CDH6: variants seen among roughly 807,000 people sequenced by gnomAD.
The protein encoded by CDH6 is cadherin 6.
Under a neutral mutation model 78.0 loss-of-function variants are expected in CDH6, and 31 were observed. The observed-to-expected ratio is 0.40, with a 90% CI of 0.30 to 0.54. The LOEUF (loss-of-function observed/expected upper bound fraction) is 0.54, where lower values mean the gene tolerates loss of function less well. Among genes scored for constraint, CDH6 ranks in the 20% least tolerant of loss-of-function variants. The pLI, the probability that CDH6 is intolerant of heterozygous loss-of-function variation, is 0.56. For synonymous variants in CDH6, 376 were observed against 368.8 expected, an observed-to-expected ratio of 1.02 and a Z score of -0.23; for missense variants, 724 against 975.9, an observed-to-expected ratio of 0.74 and a Z score of 3.44.
chr5:31,305,557 A>G, intron 7 of CDH6, 130 bp downstream of exon 7: 1 of 905,346 alleles, frequency 1.1e-6, no homozygotes, highest in Non-Finnish European at 1.7e-6. Flanking sequence ...TGAAAAAACT[A>G]TTCTAAACAG....
chr5:31,263,914 C>T (rs551733127), intron 1 of CDH6, among the ~76,000 whole-genome samples: 13 of 152,308 alleles, frequency 8.5e-5, no homozygotes, highest in Admixed American at 7.8e-4. Context: ...TTCTGATTTT[C>T]TTTCACCTGA....
chr5:31,263,015 T>A (rs538241021), intron 1 of CDH6, among the ~76,000 whole-genome samples: 31 of 152,334 alleles, frequency 2.0e-4, no homozygotes, highest in Admixed American at 2.0e-3. Flanking sequence ...CCATTTACGG[T>A]TTTTCAGGTT....
chr5:31,233,812 A>T (rs1419260812), intron 1 of CDH6, among the ~76,000 whole-genome samples: 1 of 152,172 alleles, frequency 6.6e-6, no homozygotes. Flanking sequence ...ACTACTCAGC[A>T]TCCCTTTACC....
At position 31,290,273 on chromosome 5, in the gene CDH6, A is replaced by G. The variant is rs1252063353; in HGVS notation, c.229-3689A>G. The stretch of plus-strand genomic sequence containing the variant: ...AGACTCCATCTCTTAATAAGTAAAC[A>G]CATTTTAAAAATCAACAGAGGAAAC... On this transcript the variant is annotated intron_variant, in intron 2 of 11. Coordinates refer to ENST00000265071, the MANE Select transcript of CDH6 (RefSeq NM_004932.4). Among the ~76,000 whole-genome samples the G allele has an allele frequency of 2.0e-5, 3 of 152,108 alleles. No homozygotes were observed. The East Asian group carries it at 5.8e-4, about 29-fold the overall frequency.
intron 2 of CDH6, among the ~76,000 whole-genome samples, chr5:31,282,981 T>C (rs1335191301): frequency 6.6e-6 from 1 of 152,044 alleles, no homozygotes; most frequent in Non-Finnish European, 1.5e-5. Flanking sequence ...TACACATTGA[T>C]AAGAAAGATG....
chr5:31,200,520 T>G (rs945324820), intron 1 of CDH6, among the ~76,000 whole-genome samples: 3 of 151,556 alleles, frequency 2.0e-5, no homozygotes, highest in Non-Finnish European at 2.9e-5. Context: ...CTATCACAAT[T>G]TGGTATTTGT....
chr5:31,311,858 A>C (rs1738167064), intron 7 of CDH6, among the ~76,000 whole-genome samples: 1 of 152,238 alleles, frequency 6.6e-6, no homozygotes, highest in African/African-American at 2.4e-5. Context: ...ATTCGAGATT[A>C]GATTTGGGTG....
At position 31,317,479 on chromosome 5, in the gene CDH6, T is replaced by G; in HGVS notation, c.1617T>G (p.Ile539Met). 1 of 1,608,324 alleles carries G rather than the reference T, an allele frequency of 6.2e-7. No individual in the cohort carries two copies. The highest frequency in any genetic ancestry group is 8.5e-7 in the Non-Finnish European group (1 of 1,176,478). Residue 539 changes from isoleucine (I) to methionine (M), a missense_variant, in exon 10 of 12, where the codon ATT becomes ATG. Ile to Met is a conservative substitution (Grantham distance 10). Transcript: ENST00000265071. ...PEAASGSNFT[I>M]QDNKDNTAGI... ...CAGCCAGTGGCTCAAACTTTACCAT[T>G]CAAGACAACAAAGGTAAATGAGTTC...
At chr5:31,285,785 A>G (rs1165213413) in intron 2 of CDH6, among the ~76,000 whole-genome samples, 1 of 152,352 alleles carries the variant, frequency 6.6e-6, no homozygotes, top group East Asian at 1.9e-4. Context: ...AATTCAATGT[A>G]CTTACAATTG....
At position 31,325,255 on chromosome 5, in the gene CDH6, G is replaced by A. The variant is rs571070013; in HGVS notation, c.*1947G>A. ...AATGGACTGCCCTATATAGTAACAA[G>A]TATTTCATGCTTGAGCTATTTCCTG... is the stretch of plus-strand genomic sequence containing the variant. On this transcript the variant is annotated 3_prime_UTR_variant, in exon 12 of 12. Transcript: ENST00000265071. The A allele has an allele frequency of 2.6e-5, 6 of 228,218 alleles. No homozygotes were observed. Among genetic ancestry groups the A allele is most frequent in the South Asian group, 3.7e-4 (2 of 5,474 alleles). The allele number at this position is 228,218 out of a possible 1,614,324, so 14.1% of individuals were successfully genotyped here.
intron 11 of CDH6, among the ~76,000 whole-genome samples, chr5:31,321,240 A>G (rs529811368): frequency 3.3e-5 from 5 of 150,792 alleles, no homozygotes; most frequent in East Asian, 2.0e-4. Context: ...GCGTGAATGA[A>G]TAAATACCCT....
rs1276471560 is a variant in CDH6 at position 31,322,794 on chromosome 5, TTC to T, written c.1883-22_1883-21del. 3 of 1,590,656 alleles carry T rather than the reference TTC, an allele frequency of 1.9e-6. No homozygotes were observed. The South Asian group carries it at 3.4e-5, about 18-fold the overall frequency. ...GCAGCAAATTAACTTTTCCTTCCCT[TTC>T]TGTTTTGTTTTCTGCTTCCAGTGAC... On this transcript the variant is annotated intron_variant, in intron 11 of 11. Transcript: ENST00000265071.
At chr5:31,320,599 G>A (rs1216849878) in intron 11 of CDH6, among the ~76,000 whole-genome samples, 7 of 152,090 alleles carry the variant, frequency 4.6e-5, no homozygotes, top group Non-Finnish European at 1.0e-4. Context: ...ATGAAAGGTA[G>A]ATCATGAGCA....
chr5:31,318,949 A>G (rs1032622229), intron 11 of CDH6: 6 of 221,784 alleles, frequency 2.7e-5, no homozygotes, highest in African/African-American at 6.7e-5. Flanking sequence ...TTGAAACTCA[A>G]CTACAGAACT....
intron 2 of CDH6, among the ~76,000 whole-genome samples, chr5:31,282,980 A>T (rs921052522): frequency 3.3e-5 from 5 of 152,192 alleles, no homozygotes; most frequent in African/African-American, 1.2e-4. Flanking sequence ...GTACACATTG[A>T]TAAGAAAGAT....
At chr5:31,208,775 T>C (rs1252406784) in intron 1 of CDH6, among the ~76,000 whole-genome samples, 1 of 152,260 alleles carries the variant, frequency 6.6e-6, no homozygotes, top group Non-Finnish European at 1.5e-5. Context: ...TTGCTTCAAA[T>C]TCCAACCTTG....
chr5:31,317,576 T>C, intron 10 of CDH6, 84 bp downstream of exon 10: 1 of 1,520,888 alleles, frequency 6.6e-7, no homozygotes, highest in East Asian at 2.3e-5. Flanking sequence ...TATGTATATG[T>C]ACATATCTGT....
chr5:31,267,903 A>C (rs2149933749), intron 2 of CDH6, among the ~76,000 whole-genome samples: 1 of 152,288 alleles, frequency 6.6e-6, no homozygotes, highest in South Asian at 2.1e-4. Flanking sequence ...TGCAACAAAG[A>C]GAGAGAAAAT....
At chr5:31,299,041 C>G (rs1456216543) in intron 4 of CDH6, among the ~76,000 whole-genome samples, 1 of 152,148 alleles carries the variant, frequency 6.6e-6, no homozygotes, top group Non-Finnish European at 1.5e-5. Context: ...ATGTGGCTTT[C>G]CTAACAATTT....
Sources: allele counts gnomAD v4.1 joint callset (sites outside exome capture counted in the v4.1 genomes callset), GRCh38; gene constraint gnomAD v4.1.1; transcripts MANE v1.5; gene names NCBI Gene and HGNC (gene_info 2026-07-23, HGNC 2026-07-21).